Variants in SYNDIG1 observed in about 807,000 individuals in gnomAD.
SYNDIG1 encodes the protein synapse differentiation-inducing gene protein 1.
In SYNDIG1, 9 loss-of-function variants were observed where a neutral mutation model predicts 19.4. The observed-to-expected ratio is 0.46, with a 90% CI of 0.28 to 0.81. The LOEUF is 0.81. Ranked by LOEUF, SYNDIG1 falls within the 30% of genes least tolerant of loss-of-function variation. The pLI is 0.12. For missense variants in SYNDIG1, 311 were observed against 343.3 expected (o/e 0.91, Z 0.74); for synonymous variants, 141 against 145.9 (o/e 0.97, Z 0.24).
intron 1 of SYNDIG1, among the ~76,000 whole-genome samples, chr20:24,496,210 C>T (rs1413121863): frequency 6.6e-6 from 1 of 152,168 alleles, no homozygotes; most frequent in Admixed American, 6.6e-5. Context: ...GGGAACCCAT[C>T]CTTCGCTTTT....
Position 24,469,749 on chromosome 20 carries a change from C to G in SYNDIG1, c.-83C>G, listed in dbSNP as rs549929085. The G allele has an allele frequency of 2.6e-5, 4 of 151,884 alleles. No individual in the cohort carries two copies. The highest frequency in any genetic ancestry group is 2.1e-4 in the South Asian group (1 of 4,830). 9.4% of individuals were successfully genotyped at this position (151,884 alleles called of 1,614,324 possible). On this transcript the variant is annotated 5_prime_UTR_variant, in exon 1 of 4. Coordinates refer to ENST00000376862, the MANE Select transcript of SYNDIG1 (RefSeq NM_024893.3). Reference sequence around the variant, plus strand: ...GCGCACTTGCCGGGTCACCTTGTCCCGGAGGTAAGTCCAGACCTCCCGGCC... The same window carrying G: ...GCGCACTTGCCGGGTCACCTTGTCCGGGAGGTAAGTCCAGACCTCCCGGCC...
intron 2 of SYNDIG1, among the ~76,000 whole-genome samples, chr20:24,583,510 T>TG (rs2058363814): frequency 6.6e-6 from 1 of 152,226 alleles, no homozygotes; most frequent in South Asian, 2.1e-4. Flanking sequence ...TGGAATAAGA[T>TG]GGGCGCCATC....
intron 3 of SYNDIG1, among the ~76,000 whole-genome samples, chr20:24,612,824 G>T (rs1325117851): frequency 6.6e-6 from 1 of 152,170 alleles, no homozygotes; most frequent in Non-Finnish European, 1.5e-5. Context: ...GTCACTCAGG[G>T]GCAGGGACAA....
chr20:24,571,547 A>C (rs1157376002), intron 2 of SYNDIG1, among the ~76,000 whole-genome samples: 1 of 152,200 alleles, frequency 6.6e-6, no homozygotes, highest in Non-Finnish European at 1.5e-5. Flanking sequence ...ACAGATATAC[A>C]TTTATATTAT....
intron 1 of SYNDIG1, among the ~76,000 whole-genome samples, chr20:24,537,920 G>A (rs1324723581): frequency 6.6e-6 from 1 of 151,750 alleles, no homozygotes; most frequent in Non-Finnish European, 1.5e-5. Flanking sequence ...GATGATCAGT[G>A]GTCAGCGCAC....
chr20:24,640,052 G>T (rs1417719513), intron 3 of SYNDIG1, among the ~76,000 whole-genome samples: 2 of 152,082 alleles, frequency 1.3e-5, no homozygotes, highest in Non-Finnish European at 2.9e-5. Flanking sequence ...AAGCTCTTCT[G>T]GCCAGGTGCA....
chr20:24,588,278 G>A (rs955692437), intron 3 of SYNDIG1, among the ~76,000 whole-genome samples: 2 of 152,206 alleles, frequency 1.3e-5, no homozygotes, highest in African/African-American at 4.8e-5. Flanking sequence ...GGGGTCCAGA[G>A]GCCAAGGAAC....
chr20:24,624,352 A>T (rs2059088235), intron 3 of SYNDIG1, among the ~76,000 whole-genome samples: 1 of 152,194 alleles, frequency 6.6e-6, no homozygotes, highest in Admixed American at 6.5e-5. Context: ...AAGGAATGGA[A>T]AAAGATGTAC....
At chr20:24,535,511 C>T (rs2057343114) in intron 1 of SYNDIG1, among the ~76,000 whole-genome samples, 1 of 152,070 alleles carries the variant, frequency 6.6e-6, no homozygotes. Context: ...CAGAGAGAAG[C>T]TCTCTAAAAG....
chr20:24,506,123 C>A (rs1162816587), intron 1 of SYNDIG1, among the ~76,000 whole-genome samples: 1 of 152,182 alleles, frequency 6.6e-6, no homozygotes, highest in Non-Finnish European at 1.5e-5. Context: ...TAATTTGGCA[C>A]CGCCAGGTCT....
At chr20:24,612,361 T>A (rs924286174) in intron 3 of SYNDIG1, among the ~76,000 whole-genome samples, 28 of 152,318 alleles carry the variant, frequency 1.8e-4, no homozygotes, top group African/African-American at 6.7e-4. Flanking sequence ...CCCCGAGTCC[T>A]GAGTCTACTT....
intron 3 of SYNDIG1, among the ~76,000 whole-genome samples, chr20:24,586,367 A>G (rs1247910569): frequency 6.6e-6 from 1 of 152,156 alleles, no homozygotes; most frequent in African/African-American, 2.4e-5. Context: ...CATCAGCACA[A>G]GCATGGGGTG....
intron 1 of SYNDIG1, among the ~76,000 whole-genome samples, chr20:24,485,716 TGA>T (rs1306140926): frequency 1.3e-5 from 2 of 152,242 alleles, no homozygotes; most frequent in African/African-American, 4.8e-5. Context: ...TGAATGTGGC[TGA>T]GTGTTACTCA....
intron 3 of SYNDIG1, among the ~76,000 whole-genome samples, chr20:24,590,504 A>T (rs2058492417): frequency 6.6e-6 from 1 of 152,108 alleles, no homozygotes; most frequent in African/African-American, 2.4e-5. Context: ...CAGGGCGACG[A>T]CGGCAGTGGT....
At chr20:24,513,672 G>C (rs2056798728) in intron 1 of SYNDIG1, among the ~76,000 whole-genome samples, 1 of 152,170 alleles carries the variant, frequency 6.6e-6, no homozygotes. Context: ...AAGTGACGGG[G>C]AGAATGGAAC....
chr20:24,626,441 C>A lies in SYNDIG1; in HGVS notation c.619-38905C>A, dbSNP rs191906614. On this transcript the variant is annotated intron_variant, in intron 3 of 3. Coordinates refer to ENST00000376862, the MANE Select transcript of SYNDIG1 (RefSeq NM_024893.3). ...GGCGCTCCTCACATCCTAGACGGGGCAGCAGGGCAGAGGCGCTCCCCACAT... is the reference window on the plus strand; with the variant it reads ...GGCGCTCCTCACATCCTAGACGGGGAAGCAGGGCAGAGGCGCTCCCCACAT... Among the ~76,000 whole-genome samples the A allele has an allele frequency of 7.6e-3, 1,129 of 148,900 alleles. 16 individuals are homozygous for A. Among genetic ancestry groups the A allele is most frequent in the African/African-American group, 0.027 (1,071 of 39,946 alleles).
intron 2 of SYNDIG1, among the ~76,000 whole-genome samples, chr20:24,574,643 A>G (rs1365969667): frequency 6.6e-6 from 1 of 152,220 alleles, no homozygotes; most frequent in Non-Finnish European, 1.5e-5. Context: ...TACTCTAACC[A>G]TTGGATTAAA....
chr20:24,600,804 G>A (rs2026566), intron 3 of SYNDIG1, among the ~76,000 whole-genome samples: 28,614 of 151,912 alleles, frequency 0.19, 3,570 homozygotes, highest in Admixed American at 0.34. Context: ...TAGTAAAGAC[G>A]GAGTTTCACC....
chr20:24,573,879 C>T (rs1377486842), intron 2 of SYNDIG1, among the ~76,000 whole-genome samples: 1 of 152,198 alleles, frequency 6.6e-6, no homozygotes, highest in Non-Finnish European at 1.5e-5. Context: ...CTCAGCTCCC[C>T]TTACCCCACA....
Sources: gnomAD v4.1 joint callset for allele counts (sites outside exome capture counted in the v4.1 genomes callset) on GRCh38, gnomAD v4.1.1 for gene constraint, MANE v1.5 for transcripts, NCBI Gene and HGNC (gene_info 2026-07-23, HGNC 2026-07-21) for gene names.